The following DCUN1D1 variants were observed in gnomAD, a reference collection of about 807,000 sequenced individuals.
DCUN1D1 encodes defective in cullin neddylation 1 domain containing 1.
A neutral mutation model predicts 39.0 loss-of-function variants in DCUN1D1; 3 were observed. The observed-to-expected ratio is 0.08, with a 90% confidence interval of 0.04 to 0.20. The LOEUF is 0.20. Among genes scored for constraint, DCUN1D1 ranks in the 10% least tolerant of loss-of-function variants. DCUN1D1 has a pLI of 1.00. For synonymous variants in DCUN1D1, 82 were observed against 96.3 expected, an observed-to-expected ratio of 0.85 and a Z score of 0.87; for missense variants, 158 against 302.4, an observed-to-expected ratio of 0.52 and a Z score of 3.54.
At chr3:182,961,436 C>T (rs1727390154) in intron 3 of DCUN1D1, 80 bp from the exon 4 acceptor site, 7 of 1,232,868 alleles carry the variant, frequency 5.7e-6, no homozygotes, top group Non-Finnish European at 5.7e-6. Context: ...TGAGGGCTTA[C>T]ATTTATTTCC....
At chr3:182,973,148 T>C (rs1195547210) in intron 1 of DCUN1D1, among the ~76,000 whole-genome samples, 1 of 152,110 alleles carries the variant, frequency 6.6e-6, no homozygotes, top group African/African-American at 2.4e-5. Context: ...ACAGATAGTA[T>C]AGAACCCTAT....
chr3:182,954,072 A>C (rs1424351181), intron 4 of DCUN1D1, among the ~76,000 whole-genome samples: 1 of 152,232 alleles, frequency 6.6e-6, no homozygotes, highest in Non-Finnish European at 1.5e-5. Flanking sequence ...GTCTTTTTTA[A>C]TCAATCTCAA....
intron 1 of DCUN1D1, among the ~76,000 whole-genome samples, chr3:182,972,502 C>CA (rs1727994044): frequency 6.6e-6 from 1 of 152,120 alleles, no homozygotes; most frequent in African/African-American, 2.4e-5. Context: ...TGAGGCTGAG[C>CA]AAGGCAGCTC....
At chr3:182,947,784 C>T (rs1217771456) in intron 4 of DCUN1D1, 152 bp from the exon 5 acceptor site, 2 of 552,996 alleles carry the variant, frequency 3.6e-6, no homozygotes, top group Non-Finnish European at 6.3e-6. Flanking sequence ...ATTTCCTATA[C>T]AAATGAGTCC....
At chr3:182,946,213 G>A (rs1343177490) in intron 6 of DCUN1D1, among the ~76,000 whole-genome samples, 2 of 152,136 alleles carry the variant, frequency 1.3e-5, no homozygotes, top group Non-Finnish European at 2.9e-5. Context: ...AGTATTCAGT[G>A]ATTATTTACT....
chr3:182,973,054 G>A (rs1277158526), intron 1 of DCUN1D1, among the ~76,000 whole-genome samples: 1 of 152,058 alleles, frequency 6.6e-6, no homozygotes, highest in Non-Finnish European at 1.5e-5. Flanking sequence ...AAAAAAAAGG[G>A]GGGGGCTCTG....
rs1238608604 is a variant in DCUN1D1 at position 182,943,541 on chromosome 3, A to G, written c.*1553T>C. ...GTCATTGTTTCTTAAAATAATTTCC[A>G]TATTTGCATAAAATGTACTGCTATT... On this transcript the variant is annotated 3_prime_UTR_variant, in exon 7 of 7. Transcript: ENST00000292782. 2 of 152,382 alleles carry G rather than the reference A, an allele frequency of 1.3e-5. No homozygotes were observed. Among genetic ancestry groups the G allele is most frequent in the Non-Finnish European group, 2.9e-5 (2 of 68,008 alleles). 9.4% of individuals were successfully genotyped at this position (152,382 alleles called of 1,614,324 possible). A position where few individuals can be genotyped will look rare whatever the true frequency, so the allele number is the denominator to read the frequency against.
intron 1 of DCUN1D1, among the ~76,000 whole-genome samples, chr3:182,978,054 C>A (rs372892174): frequency 0.042 from 3,997 of 94,594 alleles, 189 homozygotes; most frequent in African/African-American, 0.11. Flanking sequence ...AAAAAAAAAA[C>A]AACAACAACA....
chr3:182,958,230 C>CA (rs938404288), intron 4 of DCUN1D1, among the ~76,000 whole-genome samples: 300 of 140,830 alleles, frequency 2.1e-3, no homozygotes, highest in Middle Eastern at 3.5e-3. Context: ...CAAAACAAAC[C>CA]AAAAAAAAAA....
At chr3:182,960,776 T>C (rs1727338344) in intron 4 of DCUN1D1, among the ~76,000 whole-genome samples, 1 of 152,244 alleles carries the variant, frequency 6.6e-6, no homozygotes, top group Non-Finnish European at 1.5e-5. Flanking sequence ...CTATGAATGA[T>C]AAGCACTTCA....
intron 6 of DCUN1D1, among the ~76,000 whole-genome samples, chr3:182,946,194 TA>T (rs1726389044): frequency 6.6e-6 from 1 of 152,144 alleles, no homozygotes; most frequent in African/African-American, 2.4e-5. Context: ...TATGAAGAAA[TA>T]GCAGAAAAGT....
chr3:182,964,931 G>A lies in DCUN1D1; in HGVS notation c.220+606C>T, dbSNP rs372652280. On this transcript the variant is annotated intron_variant, in intron 2 of 6. Coordinates refer to ENST00000292782, the MANE Select transcript of DCUN1D1 (RefSeq NM_020640.4). ...TGGGATTACAGGTGTGAGCCACCAC[G>A]CCCAGCCTTGCTAACACCTTTCTAA... Among the ~76,000 whole-genome samples the A allele has an allele frequency of 2.0e-3, 309 of 152,128 alleles. 1 individual carries two copies. The highest frequency in any genetic ancestry group is 7.2e-3 in the African/African-American group (300 of 41,496).
At position 182,947,229 on chromosome 3, in the gene DCUN1D1, T is replaced by G. The variant is rs372981688; in HGVS notation, c.700+9A>C. ...TAAAAAAAAGTGGTGTGGCAAAAAT[T>G]TTCATTACCTTCTTCATCATAATTA... On this transcript the variant is annotated intron_variant, in intron 6 of 6. Coordinates refer to ENST00000292782, the MANE Select transcript of DCUN1D1 (RefSeq NM_020640.4). 64 of 1,564,808 alleles carry G rather than the reference T, an allele frequency of 4.1e-5. No individual in the cohort carries two copies. The highest frequency in any genetic ancestry group is 5.3e-5 in the Non-Finnish European group (61 of 1,154,698).
intron 3 of DCUN1D1, among the ~76,000 whole-genome samples, 171 bp downstream of exon 3, chr3:182,963,710 T>G (rs970364168): frequency 5.9e-5 from 9 of 152,154 alleles, no homozygotes; most frequent in Non-Finnish European, 1.2e-4. Context: ...ACTATATAAA[T>G]AACTTGACAA....
chr3:182,944,040 A>G lies in DCUN1D1; in HGVS notation c.*1054T>C, dbSNP rs1158505201. ...ATTTGTCTGAAAGAGCAGTACCTATATTATAAAGATTGAACTTCATGGCTC... is the reference window on the plus strand; with the variant it reads ...ATTTGTCTGAAAGAGCAGTACCTATGTTATAAAGATTGAACTTCATGGCTC... On this transcript the variant is annotated 3_prime_UTR_variant, in exon 7 of 7. Coordinates refer to ENST00000292782, the MANE Select transcript of DCUN1D1 (RefSeq NM_020640.4). 2 of 152,632 alleles carry G rather than the reference A, an allele frequency of 1.3e-5. No homozygotes were observed. The highest frequency in any genetic ancestry group is 3.9e-4 in the East Asian group (2 of 5,194). 9.5% of individuals were successfully genotyped at this position (152,632 alleles called of 1,614,324 possible). A position where few individuals can be genotyped will look rare whatever the true frequency, so the allele number is the denominator to read the frequency against.
intron 1 of DCUN1D1, among the ~76,000 whole-genome samples, chr3:182,972,437 T>A (rs763060141): frequency 6.6e-6 from 1 of 152,206 alleles, no homozygotes; most frequent in Admixed American, 6.5e-5. Flanking sequence ...TCATTCATTC[T>A]TAAATTTCCT....
At chr3:182,970,265 C>CA (rs2108387182) in intron 1 of DCUN1D1, among the ~76,000 whole-genome samples, 1 of 150,228 alleles carries the variant, frequency 6.7e-6, no homozygotes, top group African/African-American at 2.5e-5. Context: ...TCTTAACCCC[C>CA]CAAAAAAAAG....
Position 182,942,246 on chromosome 3 carries a change from T to C in DCUN1D1, c.*2848A>G, listed in dbSNP as rs950072549. 3.3e-5 allele frequency: 5 copies of C among 152,162 alleles called. No individual in the cohort carries two copies. The highest frequency in any genetic ancestry group is 9.7e-5 in the African/African-American group (4 of 41,444). The allele number at this position is 152,162 out of a possible 1,614,324, so 9.4% of individuals were successfully genotyped here. On this transcript the variant is annotated 3_prime_UTR_variant, in exon 7 of 7. Transcript: ENST00000292782. The stretch of plus-strand genomic sequence containing the variant: ...TAGTAAACAAGACTTGGCATGTCTT[T>C]TCTCCCCAAAACATGCCATTACAAT...
Position 182,950,543 on chromosome 3 carries a change from G to A in DCUN1D1, c.521-2911C>T, listed in dbSNP as rs936511491. ...TTATTGTTATTATTATTTGAGACAC[G>A]GTCTCACTCTGTAGCTCTCTTGGAT... On this transcript the variant is annotated intron_variant, in intron 4 of 6. Transcript: ENST00000292782. 5.9e-5 allele frequency among the ~76,000 whole-genome samples: 9 copies of A among 151,726 alleles called. No individual in the cohort carries two copies. In the South Asian group the frequency reaches 6.2e-4, roughly 10 times the overall value.
Sources: allele counts gnomAD v4.1 joint callset (sites outside exome capture counted in the v4.1 genomes callset), GRCh38; gene constraint gnomAD v4.1.1; transcripts MANE v1.5; gene names NCBI Gene and HGNC (gene_info 2026-07-23, HGNC 2026-07-21).